Variants in ADAMTS17 observed in about 807,000 individuals in gnomAD.
ADAMTS17 encodes the protein ADAM metallopeptidase with thrombospondin type 1 motif 17, also known as A disintegrin and metalloproteinase with thrombospondin motifs 17.
In ADAMTS17, 113 loss-of-function variants were observed where a neutral mutation model predicts 141.5. The ratio of observed to expected loss-of-function variants is 0.80; its 90% confidence interval spans 0.69 to 0.93. The LOEUF (loss-of-function observed/expected upper bound fraction) is 0.93. Among genes scored for constraint, ADAMTS17 ranks in the 40% least tolerant of loss-of-function variants. The pLI is 0.00. For synonymous variants in ADAMTS17, 768 were observed against 630.6 expected (o/e 1.22, Z -3.27); for missense variants, 1,659 against 1,517.9 (o/e 1.09, Z -1.54).
chr15:100,241,140 G>A (rs78867972), intron 7 of ADAMTS17, among the ~76,000 whole-genome samples: 1 of 152,136 alleles, frequency 6.6e-6, no homozygotes, highest in East Asian at 1.9e-4. Context: ...GCTTTTTTTG[G>A]TGTTGCTGTC....
chr15:100,195,508 C>G (rs914047253), intron 8 of ADAMTS17, among the ~76,000 whole-genome samples: 2 of 149,890 alleles, frequency 1.3e-5, no homozygotes, highest in Non-Finnish European at 2.9e-5. Flanking sequence ...CGTAAGACCA[C>G]AGAACTATTG....
chr15:100,212,769 G>T (rs898854506), intron 7 of ADAMTS17, among the ~76,000 whole-genome samples: 2 of 144,122 alleles, frequency 1.4e-5, no homozygotes, highest in African/African-American at 2.6e-5. Flanking sequence ...TAGAAAACAT[G>T]AGGAAAGGTC....
chr15:100,062,777 T>G (rs969057315), intron 15 of ADAMTS17, among the ~76,000 whole-genome samples: 2 of 152,198 alleles, frequency 1.3e-5, no homozygotes, highest in African/African-American at 4.8e-5. Flanking sequence ...GATGATGACA[T>G]GAAAACAGCT....
At chr15:100,085,885 C>A (rs1398965987) in intron 15 of ADAMTS17, among the ~76,000 whole-genome samples, 1 of 152,068 alleles carries the variant, frequency 6.6e-6, no homozygotes, top group Non-Finnish European at 1.5e-5. Flanking sequence ...ACAGCCACTG[C>A]AAAAACAAGC....
chr15:100,183,443 A>T (rs2040594631), intron 8 of ADAMTS17, among the ~76,000 whole-genome samples: 1 of 152,166 alleles, frequency 6.6e-6, no homozygotes, highest in Non-Finnish European at 1.5e-5. Context: ...ATTCCATCCA[A>T]TGAGAATTTT....
chr15:100,152,832 T>TTG, intron 9 of ADAMTS17, 70 bp from the exon 10 acceptor site: 1 of 1,571,138 alleles, frequency 6.4e-7, no homozygotes, highest in Non-Finnish European at 8.6e-7. Flanking sequence ...TTTTTCTTTT[T>TTG]TTTTTTGAGT....
At chr15:100,165,775 G>C (rs1305161827) in intron 8 of ADAMTS17, among the ~76,000 whole-genome samples, 1 of 152,180 alleles carries the variant, frequency 6.6e-6, no homozygotes, top group Non-Finnish European at 1.5e-5. Flanking sequence ...TGATATGAGG[G>C]AACAAAGCCA....
chr15:100,132,188 T>C, intron 11 of ADAMTS17, 36 bp from the exon 12 acceptor site: 1 of 1,606,154 alleles, frequency 6.2e-7, no homozygotes. Flanking sequence ...GCCCAGGCAC[T>C]CAGCAGAGCT....
intron 3 of ADAMTS17, among the ~76,000 whole-genome samples, chr15:100,293,456 T>C (rs2044711431): frequency 6.6e-6 from 1 of 152,190 alleles, no homozygotes; most frequent in Non-Finnish European, 1.5e-5. Flanking sequence ...CTTTTTTTTC[T>C]GTACCTGCCC....
At chr15:100,278,613 A>G (rs2044180369) in intron 4 of ADAMTS17, among the ~76,000 whole-genome samples, 1 of 152,150 alleles carries the variant, frequency 6.6e-6, no homozygotes, top group Non-Finnish European at 1.5e-5. Flanking sequence ...TTCAGAGCAC[A>G]ATAGGGGTGA....
chr15:100,116,937 C>T lies in ADAMTS17; in HGVS notation c.1798G>A (p.Gly600Ser). 1.2e-6 allele frequency: 2 copies of T among 1,614,074 alleles called. No individual in the cohort carries two copies. Among genetic ancestry groups the T allele is most frequent in the Non-Finnish European group, 1.7e-6 (2 of 1,180,032 alleles). Residue 600 changes from glycine (G) to serine (S), a missense_variant, in exon 13 of 22, where the codon GGT becomes AGT. Physicochemically the swap from Gly to Ser is moderately conservative, Grantham distance 56. Transcript: ENST00000268070. ...AVCENLPCPK[G>S]LPSFRDQQCQ... ...TGCTGGTCCCGGAAGCTGGGCAGAC[C>T]CTTGGGGCAGGGCAGGTTCTCGCAG...
intron 10 of ADAMTS17, among the ~76,000 whole-genome samples, chr15:100,147,785 C>A (rs1006009893): frequency 6.6e-6 from 1 of 152,198 alleles, no homozygotes; most frequent in African/African-American, 2.4e-5. Flanking sequence ...TTTCCTATGG[C>A]AAATCTGTAT....
chr15:100,082,118 T>C (rs187983339), intron 15 of ADAMTS17, among the ~76,000 whole-genome samples: 2 of 152,300 alleles, frequency 1.3e-5, no homozygotes, highest in Admixed American at 6.5e-5. Context: ...CAGGCTGGAG[T>C]GCAGCGGTGC....
chr15:100,147,432 G>C (rs1239731824), intron 10 of ADAMTS17, among the ~76,000 whole-genome samples: 1 of 152,172 alleles, frequency 6.6e-6, no homozygotes, highest in East Asian at 1.9e-4. Context: ...CCTAGGCTCT[G>C]TGGTGTAGCC....
intron 18 of ADAMTS17, among the ~76,000 whole-genome samples, chr15:100,019,032 A>C (rs1296292179): frequency 1.3e-5 from 2 of 152,212 alleles, no homozygotes; most frequent in African/African-American, 4.8e-5. Flanking sequence ...TCACTCCATA[A>C]TTGTATAAAC....
At position 99,993,078 on chromosome 15, in the gene ADAMTS17, G is replaced by T; in HGVS notation, c.2919C>A (p.Cys973Ter). 1 of 1,614,150 alleles carries T rather than the reference G, an allele frequency of 6.2e-7. No homozygotes were observed. The highest frequency in any genetic ancestry group is 1.1e-5 in the South Asian group (1 of 91,082). The change falls in exon 20 of 22, where the codon TGC becomes TGA. Residue 973 changes from cysteine (C) to a stop codon, truncating the protein, a stop_gained. Transcript: ENST00000268070. LOFTEE classifies it high-confidence loss of function. This position sits in a 1 kb window ranked among gnomAD's most constrained non-coding sequence, Gnocchi z 4.3. ...ACCAGTCCCCAGTTTTCCACTCGTAGCAGCCTGAGTAGTCCTCGCAGGCCT... is the reference window on the plus strand; with the variant it reads ...ACCAGTCCCCAGTTTTCCACTCGTATCAGCCTGAGTAGTCCTCGCAGGCCT... ...AEEACEDYSGCYEWKTGDWST... is the reference protein window; with the variant it reads ...AEEACEDYSG
intron 14 of ADAMTS17, among the ~76,000 whole-genome samples, chr15:100,105,405 T>C (rs2036354127): frequency 6.6e-6 from 1 of 152,134 alleles, no homozygotes; most frequent in African/African-American, 2.4e-5. Context: ...ATGATGACAA[T>C]GGTGGAGGCA....
intron 14 of ADAMTS17, among the ~76,000 whole-genome samples, chr15:100,101,667 A>G (rs1184913122): frequency 1.3e-5 from 2 of 152,192 alleles, no homozygotes; most frequent in Non-Finnish European, 2.9e-5. Context: ...TATTAAGCAC[A>G]TGTGTGTTCA....
intron 7 of ADAMTS17, among the ~76,000 whole-genome samples, chr15:100,231,443 C>T (rs1316014611): frequency 6.6e-6 from 1 of 152,168 alleles, no homozygotes; most frequent in Non-Finnish European, 1.5e-5. Context: ...ACTGCCTTCC[C>T]ACAGGAACAT....
Sources: allele counts gnomAD v4.1 joint callset (sites outside exome capture counted in the v4.1 genomes callset), GRCh38; gene constraint gnomAD v4.1.1; non-coding constraint Gnocchi (gnomAD v3.1); transcripts MANE v1.5; gene names NCBI Gene and HGNC (gene_info 2026-07-23, HGNC 2026-07-21).